The following NUP98 variants were observed in gnomAD, a reference collection of about 807,000 sequenced individuals.
NUP98 encodes nucleoporin 98 and 96 precursor, also known as nuclear pore complex protein Nup98-Nup96.
NUP98 carries 26 observed loss-of-function variants against 191.9 expected under a neutral mutation model. The ratio of observed to expected loss-of-function variants is 0.14; its 90% CI spans 0.10 to 0.19. NUP98 has a LOEUF of 0.19. Ranked by LOEUF, NUP98 falls within the 10% of genes least tolerant of loss-of-function variation. The pLI, the probability that NUP98 is intolerant of heterozygous loss-of-function variation, is 1.00. For missense variants in NUP98, 1,941 were observed against 2,178.8 expected (o/e 0.89, Z 2.17); for synonymous variants, 808 against 778.4 (o/e 1.04, Z -0.63).
intron 6 of NUP98, 72 bp from the exon 7 acceptor site, chr11:3,772,000 T>C: frequency 1.6e-6 from 2 of 1,276,872 alleles, no homozygotes; most frequent in Non-Finnish European, 2.2e-6. Context: ...GCTAAATACT[T>C]GAATTTAGTA....
Position 3,676,550 on chromosome 11 carries a change from T to C in NUP98, c.5144A>G (p.Gln1715Arg). Residue 1715 changes from glutamine to arginine, a missense_variant, in exon 32 of 33, where the codon CAG becomes CGG. Around this residue, in one of 6 missense-constraint regions of NUP98, gnomAD observed 1,030 missense variants for 1,115.8 expected, o/e 0.92. Transcript: ENST00000324932. ...ATCTTTAGCACTGTAACACTGAATCTGCTCTATCCGACTGCACAGTGAAGT... is the reference window on the plus strand; with the variant it reads ...ATCTTTAGCACTGTAACACTGAATCCGCTCTATCCGACTGCACAGTGAAGT... ...KVTSLCSRIEQIQCYSAKDRL... is the reference protein window; with the variant it reads ...KVTSLCSRIERIQCYSAKDRL... 6.2e-7 allele frequency: 1 copy of C among 1,614,202 alleles called. No individual in the cohort carries two copies. The highest frequency in any genetic ancestry group is 8.5e-7 in the Non-Finnish European group (1 of 1,180,020).
chr11:3,695,734 G>T, intron 25 of NUP98, 128 bp from the exon 26 acceptor site: 1 of 628,512 alleles, frequency 1.6e-6, no homozygotes, highest in Non-Finnish European at 2.4e-6. Context: ...ACTGCTTTCT[G>T]CAGTAGTGCC....
chr11:3,699,373 GT>G (rs2078608643), intron 24 of NUP98, 25 bp from the exon 25 acceptor site: 3 of 1,609,162 alleles, frequency 1.9e-6, no homozygotes, highest in Non-Finnish European at 2.6e-6. Flanking sequence ...GAAAAACAAT[GT>G]TACGAGACAA....
chr11:3,734,605 C>T (rs1461006775), intron 13 of NUP98, among the ~76,000 whole-genome samples: 2 of 152,208 alleles, frequency 1.3e-5, no homozygotes, highest in East Asian at 3.8e-4. Flanking sequence ...CCAAAGACTA[C>T]ACTTTTAACA....
At chr11:3,716,272 T>A (rs1303702017) in intron 18 of NUP98, among the ~76,000 whole-genome samples, 1 of 152,174 alleles carries the variant, frequency 6.6e-6, no homozygotes, top group East Asian at 1.9e-4. Flanking sequence ...ACTTCACTCT[T>A]TTGTATGTGG....
At chr11:3,702,146 G>C (rs541238546) in intron 23 of NUP98, among the ~76,000 whole-genome samples, 1 of 151,962 alleles carries the variant, frequency 6.6e-6, no homozygotes, top group South Asian at 2.1e-4. Flanking sequence ...GCTGAGGCAG[G>C]AGAAGAGCCT....
intron 5 of NUP98, 55 bp from the exon 6 acceptor site, chr11:3,773,794 C>A: frequency 9.8e-7 from 1 of 1,021,430 alleles, no homozygotes; most frequent in South Asian, 1.3e-5. Context: ...TTCCTACTCT[C>A]TCAGATACAA....
intron 1 of NUP98, among the ~76,000 whole-genome samples, chr11:3,793,400 T>C (rs2082420203): frequency 6.6e-6 from 1 of 151,750 alleles, no homozygotes; most frequent in South Asian, 2.1e-4. Flanking sequence ...AGCGATTCTC[T>C]GCCTCAGCCT....
intron 19 of NUP98, among the ~76,000 whole-genome samples, chr11:3,712,964 A>T (rs1301771576): frequency 6.6e-6 from 1 of 152,234 alleles, no homozygotes; most frequent in Non-Finnish European, 1.5e-5. Context: ...ATACATTAAA[A>T]TGTCATTTAA....
chr11:3,792,157 T>C (rs1389038458), intron 1 of NUP98, among the ~76,000 whole-genome samples: 1 of 107,422 alleles, frequency 9.3e-6, no homozygotes, highest in South Asian at 3.3e-4. Context: ...CCAGCCCAGG[T>C]GACAGAGTGA....
rs1433203738 is a variant in NUP98, at chr11:3,763,068, A to C, written c.949-29T>G. ...CAAAGAAGTTTATATAGATTAAAAGATATCCTGTAATAGTTTCCGTAACGA... is the reference window on the plus strand; with the variant it reads ...CAAAGAAGTTTATATAGATTAAAAGCTATCCTGTAATAGTTTCCGTAACGA... On this transcript the variant is annotated intron_variant, in intron 8 of 32. Transcript: ENST00000324932. The C allele has an allele frequency of 9.4e-6, 15 of 1,600,728 alleles. No homozygotes were observed. The East Asian group carries it at 3.3e-4, about 36-fold the overall frequency.
chr11:3,754,244 T>C (rs1439166148), intron 10 of NUP98, among the ~76,000 whole-genome samples: 1 of 151,818 alleles, frequency 6.6e-6, no homozygotes, highest in African/African-American at 2.4e-5. Flanking sequence ...CTGGGGAACA[T>C]GGTGAAACTC....
chr11:3,676,810 G>A (rs548674368), intron 31 of NUP98, 190 bp from the exon 32 acceptor site: 2 of 711,854 alleles, frequency 2.8e-6, no homozygotes, highest in Non-Finnish European at 5.1e-6. Flanking sequence ...ATAGCCAAGA[G>A]GAAGGTAACA....
At chr11:3,790,084 CA>C (rs1428896181) in intron 1 of NUP98, among the ~76,000 whole-genome samples, 2 of 151,990 alleles carry the variant, frequency 1.3e-5, no homozygotes, top group Admixed American at 1.3e-4. Context: ...CACACAGCCC[CA>C]TTTACCTATC....
At chr11:3,795,951 T>A (rs1367354657) in intron 1 of NUP98, among the ~76,000 whole-genome samples, 1 of 152,222 alleles carries the variant, frequency 6.6e-6, no homozygotes, top group Non-Finnish European at 1.5e-5. Context: ...GTCAACTAAT[T>A]CAATTTCATC....
chr11:3,797,470 G>A lies in NUP98; in HGVS notation c.-99C>T, dbSNP rs2082727675. On this transcript the variant is annotated 5_prime_UTR_variant, in exon 1 of 33. Transcript: ENST00000324932. ...ACCCGCCGCTCACAGAGCAGCGCGC[G>A]GCCCCCACGAAACCGTCGCCGCCGC... The A allele has an allele frequency of 1.7e-5, 7 of 423,366 alleles. No homozygotes were observed. The Admixed American group carries it at 2.2e-4, about 13-fold the overall frequency. 26.2% of individuals were successfully genotyped at this position (423,366 alleles called of 1,614,324 possible).
At chr11:3,679,993 T>G (rs562111010) in intron 30 of NUP98, among the ~76,000 whole-genome samples, 10 of 152,342 alleles carry the variant, frequency 6.6e-5, no homozygotes, top group African/African-American at 2.4e-4. Context: ...CAGCATTATG[T>G]CTAAAAAACC....
chr11:3,715,412 C>A (rs1336038973), intron 18 of NUP98, among the ~76,000 whole-genome samples: 1 of 151,404 alleles, frequency 6.6e-6, no homozygotes. Context: ...GGATTATAGG[C>A]GTGAGCCACC....
intron 18 of NUP98, among the ~76,000 whole-genome samples, chr11:3,717,198 T>C (rs998474079): frequency 1.3e-5 from 2 of 152,134 alleles, no homozygotes; most frequent in Non-Finnish European, 2.9e-5. Context: ...TTTCACCATG[T>C]TGGCCAGGCT....
Sources: gnomAD v4.1 joint callset for allele counts (sites outside exome capture counted in the v4.1 genomes callset) on GRCh38, gnomAD v4.1.1 for gene constraint, gnomAD v4.1.1 regional missense constraint, MANE v1.5 for transcripts, NCBI Gene and HGNC (gene_info 2026-07-23, HGNC 2026-07-21) for gene names.